Variants in ZNF362 observed in about 807,000 individuals in gnomAD.
The protein encoded by ZNF362 is zinc finger protein 362, also known as rotund homolog.
A neutral mutation model predicts 42.9 loss-of-function variants in ZNF362; 11 were observed. The observed-to-expected ratio is 0.26, with a 90% CI of 0.16 to 0.42. The LOEUF (loss-of-function observed/expected upper bound fraction) is 0.42, where lower values mean the gene tolerates loss of function less well. ZNF362 is among the 20% of genes least tolerant of loss of function. The pLI, the probability that ZNF362 is intolerant of heterozygous loss-of-function variation, is 1.00. For synonymous variants in ZNF362, 255 were observed against 257.3 expected (o/e 0.99, Z 0.09); for missense variants, 362 against 576.2 (o/e 0.63, Z 3.81).
At chr1:33,133,801 C>T in the ZNF362 span, among the ~76,000 whole-genome samples, 1 of 152,208 alleles carries the variant, frequency 6.6e-6, no homozygotes, top group African/African-American at 2.4e-5. Context: ...AAAAAGCAGG[C>T]TGAGAGGCAA....
In ZNF362 at chr1:33,269,805, T is replaced by C. The variant is rs183462753; in HGVS notation, c.-88-682T>C. On this transcript the variant is annotated intron_variant, in intron 1 of 8. Transcript: ENST00000539719. ...CTTCTGCCTTGCAGTGGGTAAGTCT[T>C]GTGACATTCCTCCCTGGGCTGCCTG... Among the ~76,000 whole-genome samples the C allele has an allele frequency of 5.3e-5, 8 of 152,310 alleles. No individual in the cohort carries two copies. In the East Asian group the frequency reaches 1.5e-3, roughly 29 times the overall value.
At chr1:33,172,826 G>A in the ZNF362 span, among the ~76,000 whole-genome samples, 2 of 152,148 alleles carry the variant, frequency 1.3e-5, no homozygotes, top group Non-Finnish European at 2.9e-5. Flanking sequence ...AGCCATCTCA[G>A]CTCTGGCTTC....
rs537847427 is a variant in ZNF362 at position 33,294,154 on chromosome 1, C to G, written c.909-783C>G. ...AATGAATGTGAATGAATAACGATAA[C>G]TGGCAAACGTTGAGTGCTTACTTTG... On this transcript the variant is annotated intron_variant, in intron 6 of 8. Transcript: ENST00000539719. This position sits in a 1 kb window ranked among gnomAD's most constrained non-coding sequence, Gnocchi z 4.2. Among the ~76,000 whole-genome samples, 3 of 152,372 alleles carry G rather than the reference C, an allele frequency of 2.0e-5. No homozygotes were observed. Among genetic ancestry groups the G allele is most frequent in the East Asian group, 3.9e-4 (2 of 5,192 alleles).
At chr1:33,201,501 T>C in the ZNF362 span, among the ~76,000 whole-genome samples, 1 of 152,214 alleles carries the variant, frequency 6.6e-6, no homozygotes, top group Non-Finnish European at 1.5e-5. Context: ...CTGGAAAATC[T>C]GCAAGTATTT....
chr1:33,297,962 G>A (rs1452110054), intron 8 of ZNF362, among the ~76,000 whole-genome samples: 3 of 152,154 alleles, frequency 2.0e-5, no homozygotes, highest in African/African-American at 7.2e-5. Flanking sequence ...GAATTTGCAG[G>A]TTGCTTCCCT....
At chr1:33,245,832 C>T in the ZNF362 span, among the ~76,000 whole-genome samples, 1 of 152,144 alleles carries the variant, frequency 6.6e-6, no homozygotes, top group East Asian at 1.9e-4. Flanking sequence ...CCTAGCTATT[C>T]AGGAGGCTGA....
the ZNF362 span, among the ~76,000 whole-genome samples, chr1:33,178,594 G>GT: frequency 2.6e-5 from 4 of 152,198 alleles, no homozygotes; most frequent in Non-Finnish European, 4.4e-5. Context: ...ACCTCAAATA[G>GT]CAGGTTAATC....
chr1:33,280,351 G>A lies in ZNF362; in HGVS notation c.577G>A (p.Gly193Ser), dbSNP rs776450205. 25 of 1,614,020 alleles carry A rather than the reference G, an allele frequency of 1.5e-5. No homozygotes were observed. The South Asian group carries it at 2.2e-4, about 14-fold the overall frequency. ...GCTTGGCCCCCCCAAGTCCGAACGC[G>A]GCCGCAAAAAGATCAAGGCGGAGAA... is the stretch of plus-strand genomic sequence containing the variant. ...GLLGPPKSER[G>S]RKKIKAENPG... is the part of the protein sequence containing the mutation. Residue 193 changes from glycine (G) to serine (S), a missense_variant, in exon 5 of 9, where the codon GGC becomes AGC. Around this residue, in one of 3 missense-constraint regions of ZNF362, gnomAD observed 266 missense variants for 365.4 expected, o/e 0.73. Transcript: ENST00000539719. This position sits in a 1 kb window ranked among gnomAD's most constrained non-coding sequence, Gnocchi z 5.6.
At chr1:33,177,638 C>T in the ZNF362 span, among the ~76,000 whole-genome samples, 1 of 152,136 alleles carries the variant, frequency 6.6e-6, no homozygotes, top group Non-Finnish European at 1.5e-5. The surrounding 1 kb of genome is among the most constrained non-coding windows in gnomAD (Gnocchi z 4.1). Context: ...TTTGTCAATG[C>T]TTGGAGATGG....
At chr1:33,152,569 AAAAG>A in the ZNF362 span, among the ~76,000 whole-genome samples, 2 of 146,964 alleles carry the variant, frequency 1.4e-5, no homozygotes, top group African/African-American at 4.9e-5. Flanking sequence ...CTCCGTCTCA[AAAAG>A]AAAAAAAAAA....
chr1:33,240,209 T>C, the ZNF362 span, among the ~76,000 whole-genome samples: 2 of 152,314 alleles, frequency 1.3e-5, no homozygotes, highest in South Asian at 2.1e-4. Context: ...ACAGCCTATA[T>C]TGGAACAAAC....
the ZNF362 span, among the ~76,000 whole-genome samples, chr1:33,234,997 C>T: frequency 1.3e-5 from 2 of 152,094 alleles, no homozygotes; most frequent in Admixed American, 6.5e-5. Flanking sequence ...CTTCCTCACT[C>T]CCCCTGCAGT....
intron 1 of ZNF362, among the ~76,000 whole-genome samples, chr1:33,260,274 A>G (rs1355771851): frequency 1.3e-5 from 2 of 152,234 alleles, no homozygotes; most frequent in African/African-American, 2.4e-5. Context: ...AAGGCCCTTA[A>G]TAGTCCAGGC....
chr1:33,207,673 GT>G, the ZNF362 span, among the ~76,000 whole-genome samples: 1 of 152,144 alleles, frequency 6.6e-6, no homozygotes, highest in Non-Finnish European at 1.5e-5. Flanking sequence ...TCTCATTGTG[GT>G]TTTGATTTGC....
intron 6 of ZNF362, among the ~76,000 whole-genome samples, chr1:33,284,890 T>C (rs995563974): frequency 6.6e-6 from 1 of 152,188 alleles, no homozygotes. Flanking sequence ...GAGCCTACCT[T>C]GGCCTCTGGC....
chr1:33,148,292 A>G, the ZNF362 span, among the ~76,000 whole-genome samples: 1 of 152,232 alleles, frequency 6.6e-6, no homozygotes, highest in Non-Finnish European at 1.5e-5. Context: ...TCTTTTTTAT[A>G]AGGATAAGAA....
chr1:33,162,082 C>G, the ZNF362 span, among the ~76,000 whole-genome samples: 1 of 152,206 alleles, frequency 6.6e-6, no homozygotes, highest in Non-Finnish European at 1.5e-5. Flanking sequence ...CTCACTTGGT[C>G]TACAAGTCAA....
chr1:33,283,568 G>A (rs142143355), intron 6 of ZNF362, among the ~76,000 whole-genome samples: 1 of 152,246 alleles, frequency 6.6e-6, no homozygotes, highest in Non-Finnish European at 1.5e-5. Flanking sequence ...GGGAGTAATG[G>A]TGCATGCCTG....
the ZNF362 span, among the ~76,000 whole-genome samples, chr1:33,182,313 G>A: frequency 6.6e-6 from 1 of 152,232 alleles, no homozygotes; most frequent in Non-Finnish European, 1.5e-5. Context: ...AATAAACAAG[G>A]AGCATCTTTC....
Sources: gnomAD v4.1 joint callset for allele counts (sites outside exome capture counted in the v4.1 genomes callset) on GRCh38, gnomAD v4.1.1 for gene constraint, gnomAD v4.1.1 regional missense constraint, Gnocchi (gnomAD v3.1) non-coding constraint, MANE v1.5 for transcripts, NCBI Gene and HGNC (gene_info 2026-07-23, HGNC 2026-07-21) for gene names.